TRIP11: variants seen among roughly 807,000 people sequenced by gnomAD.
TRIP11 encodes the protein thyroid receptor-interacting protein 11.
A neutral mutation model predicts 223.1 loss-of-function variants in TRIP11; 148 were observed. That is an observed-to-expected ratio of 0.66 (90% CI 0.58 to 0.76). TRIP11 has a LOEUF of 0.76. Ranked by LOEUF, TRIP11 falls within the 30% of genes least tolerant of loss-of-function variation. The pLI, the probability that TRIP11 is intolerant of heterozygous loss-of-function variation, is 0.00. For missense variants in TRIP11, 2,043 were observed against 2,222.0 expected, an observed-to-expected ratio of 0.92 and a Z score of 1.62; for synonymous variants, 762 against 772.6, an observed-to-expected ratio of 0.99 and a Z score of 0.23.
rs561217712 is a variant in TRIP11 at position 91,990,901 on chromosome 14, G to C, written c.5161-2518C>G. On this transcript the variant is annotated intron_variant, in intron 15 of 20. Coordinates refer to ENST00000267622, the MANE Select transcript of TRIP11 (RefSeq NM_004239.4). ...CCACTAGAAACCACTAAGAGTATTA[G>C]ATAAAATACATCTTTTAAATGTATT... Among the ~76,000 whole-genome samples, 5 of 152,308 alleles carry C rather than the reference G, an allele frequency of 3.3e-5. No individual in the cohort carries two copies. In the East Asian group the frequency reaches 9.6e-4, roughly 29 times the overall value.
intron 14 of TRIP11, among the ~76,000 whole-genome samples, 196 bp downstream of exon 14, chr14:91,995,156 T>C (rs1440318463): frequency 6.6e-6 from 1 of 152,214 alleles, no homozygotes; most frequent in Non-Finnish European, 1.5e-5. Flanking sequence ...TAATAATTAC[T>C]AAATAAAGTT....
intron 20 of TRIP11, among the ~76,000 whole-genome samples, chr14:91,971,161 A>G (rs1161206737): frequency 1.3e-5 from 2 of 152,226 alleles, no homozygotes; most frequent in African/African-American, 4.8e-5. Context: ...TGACAACTTC[A>G]ATGGTAACAG....
chr14:91,993,615 G>A (rs903625494), intron 15 of TRIP11, among the ~76,000 whole-genome samples, 194 bp downstream of exon 15: 8 of 151,390 alleles, frequency 5.3e-5, no homozygotes, highest in African/African-American at 1.7e-4. Flanking sequence ...TACATTTGCC[G>A]TGTCTACTCT....
intron 19 of TRIP11, among the ~76,000 whole-genome samples, chr14:91,973,078 T>G (rs1226908045): frequency 2.0e-5 from 3 of 147,806 alleles, no homozygotes; most frequent in Non-Finnish European, 3.0e-5. Flanking sequence ...CAGGCTGGAG[T>G]GCAATGGCAC....
chr14:91,975,233 C>T lies in TRIP11; in HGVS notation c.5396G>A (p.Arg1799His), dbSNP rs1250482723. ...CCCCATTAACCGTAACACTTCATGACGCTGATTTTTCGGTGTGTGGAAATG... is the reference window on the plus strand; with the variant it reads ...CCCCATTAACCGTAACACTTCATGATGCTGATTTTTCGGTGTGTGGAAATG... The part of the protein sequence containing the change: ...IGHFHTPKNQ[R>H]HEVLRLMGSI... Residue 1799 changes from arginine to histidine, a missense_variant, in exon 18 of 21, where the codon CGT (arginine) becomes CAT (histidine). Coordinates refer to ENST00000267622, the MANE Select transcript of TRIP11 (RefSeq NM_004239.4). 4 of 1,613,726 alleles carry T rather than the reference C, an allele frequency of 2.5e-6. No individual in the cohort carries two copies. Among genetic ancestry groups the T allele is most frequent in the East Asian group, 2.2e-5 (1 of 44,850 alleles).
chr14:92,011,044 T>A lies in TRIP11; in HGVS notation c.1256A>T (p.Lys419Ile). ...QDNSLAEDNL[K>I]LKMRIEVLEK... ...TAAAACTTCGATACGCATTTTAAGT[T>A]TCAGATTGTCTTCAGCAAGACTGTT... is the stretch of plus-strand genomic sequence containing the variant. The change falls in exon 9 of 21, where the codon AAA becomes ATA. Residue 419 changes from lysine to isoleucine, a missense_variant. Coordinates refer to ENST00000267622, the MANE Select transcript of TRIP11 (RefSeq NM_004239.4). The A allele has an allele frequency of 6.2e-7, 1 of 1,614,004 alleles. No individual in the cohort carries two copies. The highest frequency in any genetic ancestry group is 8.5e-7 in the Non-Finnish European group (1 of 1,179,980).
At chr14:92,010,545 T>C (rs1438480113) in intron 9 of TRIP11, among the ~76,000 whole-genome samples, 13 of 150,602 alleles carry the variant, frequency 8.6e-5, no homozygotes, top group Non-Finnish European at 1.3e-4. Flanking sequence ...AAAAAAAAAA[T>C]AGAACTTCTT....
intron 2 of TRIP11, among the ~76,000 whole-genome samples, chr14:92,029,287 T>A (rs1219390294): frequency 0.052 from 2,584 of 49,760 alleles, 64 homozygotes; most frequent in South Asian, 0.22. Context: ...ATTATTTTTT[T>A]TTTTTTTTTT....
intron 16 of TRIP11, among the ~76,000 whole-genome samples, chr14:91,980,631 A>T (rs892464069): frequency 6.6e-6 from 1 of 152,192 alleles, no homozygotes; most frequent in East Asian, 1.9e-4. Context: ...ATCTAGCCTG[A>T]ATCAGTATCA....
In TRIP11 at chr14:92,039,776, T is replaced by C. The variant is rs1377641924; in HGVS notation, c.-91A>G. On this transcript the variant is annotated 5_prime_UTR_variant, in exon 1 of 21. Transcript: ENST00000267622. Reference sequence around the variant, plus strand: ...ATCCGACCAAATATCCTTGAACGCCTGCCTTCGCGAGACAGGATACGATAA... The same window carrying C: ...ATCCGACCAAATATCCTTGAACGCCCGCCTTCGCGAGACAGGATACGATAA... 6.4e-7 allele frequency: 1 copy of C among 1,552,054 alleles called. No individual in the cohort carries two copies. The highest frequency in any genetic ancestry group is 2.0e-5 in the Admixed American group (1 of 51,078).
chr14:92,039,218 T>A (rs1451772813), intron 1 of TRIP11, among the ~76,000 whole-genome samples: 2 of 152,138 alleles, frequency 1.3e-5, no homozygotes, highest in African/African-American at 4.8e-5. Context: ...AAGAATGAGA[T>A]CAGCCCCCAA....
In TRIP11 at chr14:91,967,135, CTTTTTTTTTTTTTT is replaced by C. The variant is rs547805058; in HGVS notation, c.*2524_*2537del. On this transcript the variant is annotated 3_prime_UTR_variant, in exon 21 of 21. Coordinates refer to ENST00000267622, the MANE Select transcript of TRIP11 (RefSeq NM_004239.4). ...ACAATGAAAACATTAGGTACTATAG[CTTTTTTTTTTTTTT>C]TTTTTTTTTTGAGACAGAGTCTCGC... 1.2e-5 allele frequency: 1 copy of C among 85,354 alleles called. No homozygotes were observed. Among genetic ancestry groups the C allele is most frequent in the Non-Finnish European group, 2.1e-5 (1 of 47,996 alleles). 5.3% of individuals were successfully genotyped at this position (85,354 alleles called of 1,614,324 possible).
intron 15 of TRIP11, among the ~76,000 whole-genome samples, chr14:91,988,885 T>C: frequency 6.6e-6 from 1 of 152,172 alleles, no homozygotes. Context: ...TTGCCCAAGA[T>C]TCTACTGAGT....
In TRIP11 at chr14:92,014,528, T is replaced by C; in HGVS notation, c.873A>G (p.Gln291=). The change falls in exon 7 of 21, where the codon CAA becomes CAG. Residue 291 remains glutamine (Q), a synonymous_variant. Coordinates refer to ENST00000267622, the MANE Select transcript of TRIP11 (RefSeq NM_004239.4). The part of the protein sequence containing the change: ...ETDLSKIYEM[Q]KTIQVLQIEK... ...CTATTTGTAGAACTTGAATAGTTTTTTGCATCTCATAGATTTTAGAGAGAT... is the reference window on the plus strand; with the variant it reads ...CTATTTGTAGAACTTGAATAGTTTTCTGCATCTCATAGATTTTAGAGAGAT... 1.2e-6 allele frequency: 2 copies of C among 1,600,166 alleles called. No homozygotes were observed. The highest frequency in any genetic ancestry group is 1.7e-6 in the Non-Finnish European group (2 of 1,176,896).
intron 17 of TRIP11, 65 bp from the exon 18 acceptor site, chr14:91,975,351 A>G (rs1175691027): frequency 9.5e-7 from 1 of 1,048,432 alleles, no homozygotes; most frequent in African/African-American, 1.6e-5. Context: ...AACACTAAGC[A>G]TAGAAATATT....
intron 16 of TRIP11, 32 bp downstream of exon 16, chr14:91,988,252 A>T (rs780830608): frequency 4.8e-5 from 74 of 1,528,612 alleles, no homozygotes; most frequent in Non-Finnish European, 6.0e-5. Flanking sequence ...TCAGTATTGT[A>T]GTGGGGGAAA....
At chr14:91,983,037 A>G (rs1197325873) in intron 16 of TRIP11, among the ~76,000 whole-genome samples, 2 of 152,212 alleles carry the variant, frequency 1.3e-5, no homozygotes. Context: ...TGTCTAGAAC[A>G]CTTTTCCCCA....
intron 16 of TRIP11, among the ~76,000 whole-genome samples, chr14:91,976,849 T>C (rs1185370121): frequency 3.3e-5 from 5 of 152,184 alleles, no homozygotes; most frequent in Non-Finnish European, 7.4e-5. Flanking sequence ...GGTGGAATAG[T>C]TGGAATTTAA....
chr14:92,013,061 G>A (rs901268880), intron 7 of TRIP11, among the ~76,000 whole-genome samples: 1 of 152,164 alleles, frequency 6.6e-6, no homozygotes, highest in Non-Finnish European at 1.5e-5. Context: ...GAGGTCAAGA[G>A]ATCGAGATCA....
Sources: allele counts gnomAD v4.1 joint callset (sites outside exome capture counted in the v4.1 genomes callset), GRCh38; gene constraint gnomAD v4.1.1; transcripts MANE v1.5; gene names NCBI Gene and HGNC (gene_info 2026-07-23, HGNC 2026-07-21).